Variants in DPP6 observed in about 807,000 individuals in gnomAD.
DPP6 encodes the protein A-type potassium channel modulatory protein DPP6.
DPP6 carries 69 observed loss-of-function variants against 122.6 expected under a neutral mutation model. That is an observed-to-expected ratio of 0.56 (90% CI 0.46 to 0.69). The LOEUF is 0.69. Among genes scored for constraint, DPP6 ranks in the 30% least tolerant of loss-of-function variants. The pLI is 0.00. For missense variants in DPP6, 928 were observed against 1,116.9 expected (o/e 0.83, Z 2.41); for synonymous variants, 418 against 433.1 (o/e 0.97, Z 0.43).
At chr7:154,038,304 C>G (rs1434748819) in intron 1 of DPP6, 1 of 84,206 alleles carries the variant, frequency 1.2e-5, no homozygotes, top group Admixed American at 1.4e-4. Flanking sequence ...AGGGAGGTAT[C>G]CAGCAGTACA....
the DPP6 span, among the ~76,000 whole-genome samples, chr7:153,874,328 A>G: frequency 6.6e-6 from 1 of 152,128 alleles, no homozygotes; most frequent in African/African-American, 2.4e-5. Flanking sequence ...CTTATTAGAT[A>G]TGGACTTTAG....
chr7:154,476,924 T>G lies in DPP6; in HGVS notation c.457+1887T>G, dbSNP rs1244871995. Reference sequence around the variant, plus strand: ...CTGGGAAACATGTTGAAACGTCACCTTTATAAAAAACTAGCCAGCCATGTG... The same window carrying G: ...CTGGGAAACATGTTGAAACGTCACCGTTATAAAAAACTAGCCAGCCATGTG... On this transcript the variant is annotated intron_variant, in intron 3 of 25. Coordinates refer to ENST00000377770, the MANE Select transcript of DPP6 (RefSeq NM_130797.4). Among the ~76,000 whole-genome samples the G allele has an allele frequency of 2.0e-5, 3 of 152,138 alleles. No homozygotes were observed. The East Asian group carries it at 5.8e-4, about 30-fold the overall frequency.
At chr7:154,889,603 G>A (rs910915094) in intron 25 of DPP6, 73 bp downstream of exon 25, 3 of 1,548,648 alleles carry the variant, frequency 1.9e-6, no homozygotes, top group East Asian at 2.4e-5. Context: ...CCTGACGGGT[G>A]TTCAGGGCCT....
chr7:154,710,592 CCTT>C (rs1283161345), intron 7 of DPP6, among the ~76,000 whole-genome samples: 10 of 152,196 alleles, frequency 6.6e-5, no homozygotes, highest in African/African-American at 1.9e-4. Context: ...CACCAGGACT[CCTT>C]AGGTTGTCCT....
intron 5 of DPP6, chr7:154,588,342 G>A: frequency 1.9e-6 from 1 of 528,914 alleles, no homozygotes; most frequent in East Asian, 3.3e-5. Context: ...ATTCCCTCAT[G>A]ATTCCTCTGA....
chr7:154,273,426 A>G (rs928932641), intron 1 of DPP6, among the ~76,000 whole-genome samples: 5 of 152,200 alleles, frequency 3.3e-5, no homozygotes, highest in African/African-American at 1.2e-4. Context: ...GTGCAACAAG[A>G]CACGCTTACT....
the DPP6 span, among the ~76,000 whole-genome samples, chr7:153,856,349 C>T: frequency 3.3e-5 from 5 of 152,146 alleles, no homozygotes; most frequent in African/African-American, 9.7e-5. Flanking sequence ...TTGTATGAGG[C>T]TTTGGTTAAA....
rs541411567 is a variant in DPP6, at chr7:154,073,677, A to C, written c.243+20614A>C. Among the ~76,000 whole-genome samples the C allele has an allele frequency of 2.6e-3, 400 of 152,366 alleles. 4 individuals carry two copies. Among genetic ancestry groups the C allele is most frequent in the African/African-American group, 8.7e-3 (362 of 41,584 alleles). ...AATAAAACCTTTCATTTCTTAGCTA[A>C]AAATCTCCCCACATCCATTAGTTTT... On this transcript the variant is annotated intron_variant, in intron 1 of 25. Transcript: ENST00000377770.
At chr7:154,436,045 G>C (rs975056497) in intron 1 of DPP6, among the ~76,000 whole-genome samples, 18 of 152,066 alleles carry the variant, frequency 1.2e-4, no homozygotes, top group African/African-American at 4.1e-4. Context: ...CCTTTCTCTA[G>C]GCACTTTTCT....
chr7:154,424,600 A>C lies in DPP6; in HGVS notation c.244-21614A>C, dbSNP rs559254734. The stretch of plus-strand genomic sequence containing the variant: ...ATTGAGCCCACGTGGATAATTCAGG[A>C]TAATCTCCTGTTTTCAAGCCAACCA... On this transcript the variant is annotated intron_variant, in intron 1 of 25. Transcript: ENST00000377770. Among the ~76,000 whole-genome samples the C allele has an allele frequency of 5.3e-5, 8 of 152,266 alleles. No homozygotes were observed. The South Asian group carries it at 1.5e-3, about 28-fold the overall frequency.
At position 154,798,126 on chromosome 7, in the gene DPP6, C is replaced by G. The variant is rs540177457; in HGVS notation, c.1299+2243C>G. Among the ~76,000 whole-genome samples the G allele has an allele frequency of 4.6e-5, 7 of 152,326 alleles. No homozygotes were observed. In the East Asian group the frequency reaches 1.2e-3, roughly 25 times the overall value. ...GCACACTCTGCTTCCCTGTCCCCCT[C>G]AAGAGGCATTCTCACAGGGGGAGCT... is the stretch of plus-strand genomic sequence containing the variant. On this transcript the variant is annotated intron_variant, in intron 12 of 25. Coordinates refer to ENST00000377770, the MANE Select transcript of DPP6 (RefSeq NM_130797.4).
chr7:153,836,200 G>A, the DPP6 span, among the ~76,000 whole-genome samples: 3 of 152,222 alleles, frequency 2.0e-5, no homozygotes, highest in African/African-American at 7.2e-5. Context: ...CCACGCTGGA[G>A]GCCAATGCAA....
At chr7:154,279,177 A>T (rs1175111835) in intron 1 of DPP6, among the ~76,000 whole-genome samples, 2 of 151,766 alleles carry the variant, frequency 1.3e-5, no homozygotes, top group African/African-American at 4.8e-5. Context: ...TGTGGTGTGC[A>T]TATGTATATG....
At chr7:153,991,667 C>T (rs958475778) in intron 1 of DPP6, among the ~76,000 whole-genome samples, 2 of 152,190 alleles carry the variant, frequency 1.3e-5, no homozygotes, top group African/African-American at 4.8e-5. Flanking sequence ...CCCAAGGGAC[C>T]AGTCTGGAGC....
chr7:153,758,414 G>A, the DPP6 span, among the ~76,000 whole-genome samples: 1,843 of 152,062 alleles, frequency 0.012, 16 homozygotes, highest in African/African-American at 0.042. Context: ...AAGTATTGAC[G>A]TGTGCACATG....
At chr7:154,031,193 C>T (rs1799209781) in intron 1 of DPP6, among the ~76,000 whole-genome samples, 2 of 151,892 alleles carry the variant, frequency 1.3e-5, no homozygotes, top group Non-Finnish European at 1.5e-5. Flanking sequence ...GAGTTTCACC[C>T]GCTGAAGTTT....
chr7:154,616,796 G>T (rs73727316), intron 5 of DPP6, among the ~76,000 whole-genome samples: 2,270 of 152,224 alleles, frequency 0.015, 47 homozygotes, highest in African/African-American at 0.052. Flanking sequence ...CCACAGTGAC[G>T]GGAAACATGC....
Position 154,642,788 on chromosome 7 carries a change from G to A in DPP6, c.680+4915G>A, listed in dbSNP as rs10282005. The stretch of plus-strand genomic sequence containing the variant: ...TCTACTAAAAATACAAAACTTGGCC[G>A]GGCTTAGTGAGGCTGAGGCACAAGA... On this transcript the variant is annotated intron_variant, in intron 6 of 25. Transcript: ENST00000377770. Among the ~76,000 whole-genome samples, 1,492 of 151,892 alleles carry A rather than the reference G, an allele frequency of 9.8e-3. 21 individuals carry two copies. The highest frequency in any genetic ancestry group is 0.034 in the African/African-American group (1,412 of 41,424).
the DPP6 span, among the ~76,000 whole-genome samples, chr7:153,773,264 CGTGTGTGTGT>C: frequency 3.0e-5 from 4 of 132,458 alleles, no homozygotes; most frequent in African/African-American, 5.5e-5. Flanking sequence ...TCTTTTCTTT[CGTGTGTGTGT>C]GTGTGTGTGT....
Sources: gnomAD v4.1 joint callset for allele counts (sites outside exome capture counted in the v4.1 genomes callset) on GRCh38, gnomAD v4.1.1 for gene constraint, MANE v1.5 for transcripts, NCBI Gene and HGNC (gene_info 2026-07-23, HGNC 2026-07-21) for gene names.